The following AKAP9 variants were observed in gnomAD, a reference collection of about 807,000 sequenced individuals.
AKAP9 encodes the protein A-kinase anchoring protein 9.
AKAP9 carries 311 observed loss-of-function variants against 488.5 expected under a neutral mutation model. That is an observed-to-expected ratio of 0.64 (90% CI 0.58 to 0.70). The LOEUF (loss-of-function observed/expected upper bound fraction) is 0.70, where lower values mean the gene tolerates loss of function less well. AKAP9 is among the 30% of genes least tolerant of loss of function. The pLI is 0.00. For synonymous variants in AKAP9, 1,462 were observed against 1,483.5 expected (o/e 0.99, Z 0.33); for missense variants, 4,215 against 4,374.5 (o/e 0.96, Z 1.03).
chr7:91,944,879 A>T (rs1293288658), intron 1 of AKAP9, among the ~76,000 whole-genome samples: 1 of 152,194 alleles, frequency 6.6e-6, no homozygotes, highest in Non-Finnish European at 1.5e-5. Flanking sequence ...TTATATTGTT[A>T]GACATTTTAT....
intron 1 of AKAP9, among the ~76,000 whole-genome samples, chr7:91,948,290 C>G (rs1394772861): frequency 6.6e-6 from 1 of 152,080 alleles, no homozygotes; most frequent in Non-Finnish European, 1.5e-5. Context: ...TGGGTATATA[C>G]CTAGTAGTAG....
intron 17 of AKAP9, 95 bp from the exon 18 acceptor site, chr7:92,040,579 A>AT (rs1319960289): frequency 1.2e-6 from 1 of 855,836 alleles, no homozygotes; most frequent in African/African-American, 1.7e-5. Context: ...AAGGAATAGA[A>AT]TTGCTTTCGT....
chr7:91,959,469 A>G (rs1158594872), intron 1 of AKAP9, among the ~76,000 whole-genome samples: 1 of 151,906 alleles, frequency 6.6e-6, no homozygotes. Context: ...ATTTAAAAAA[A>G]AAAAAAAATT....
chr7:91,993,188 C>T, intron 5 of AKAP9, 133 bp downstream of exon 5: 5 of 950,448 alleles, frequency 5.3e-6, no homozygotes, highest in Non-Finnish European at 6.2e-6. Context: ...TCTTCTTCTT[C>T]TTCTTCTTTT....
At chr7:92,044,951 A>G in intron 20 of AKAP9, 57 bp from the exon 21 acceptor site, 1 of 1,407,564 alleles carries the variant, frequency 7.1e-7, no homozygotes, top group South Asian at 1.2e-5. Flanking sequence ...GGACATAAGC[A>G]AAGTGTTTGC....
chr7:92,038,312 A>T, intron 16 of AKAP9, 107 bp from the exon 17 acceptor site: 1 of 796,080 alleles, frequency 1.3e-6, no homozygotes, highest in Non-Finnish European at 2.0e-6. Flanking sequence ...TAGAACCGTG[A>T]GGCCATGCTT....
At chr7:92,014,474 C>G (rs1404913969) in intron 10 of AKAP9, 146 bp downstream of exon 10, 3 of 658,212 alleles carry the variant, frequency 4.6e-6, no homozygotes, top group Non-Finnish European at 8.4e-6. Context: ...CCAAAAAATA[C>G]AAAAATCAGT....
intron 18 of AKAP9, chr7:92,041,767 G>T: frequency 3.1e-6 from 1 of 324,150 alleles, no homozygotes; most frequent in Non-Finnish European, 5.8e-6. Flanking sequence ...TTTCTTCATT[G>T]CATTTTGTGA....
Position 92,093,297 on chromosome 7 carries a change from A to G in AKAP9, c.9559A>G (p.Lys3187Glu). 6.2e-7 allele frequency: 1 copy of G among 1,614,066 alleles called. No individual in the cohort carries two copies. Among genetic ancestry groups the G allele is most frequent in the Non-Finnish European group, 8.5e-7 (1 of 1,180,014 alleles). ...ACTCAAGGCACAGCATAAACACCTA[A>G]AAGAATTGGAGGCTTTCAGGTGTGC... is the stretch of plus-strand genomic sequence containing the variant. ...TTLKAQHKHLKELEAFRLEVK... is the reference protein window; with the variant it reads ...TTLKAQHKHLEELEAFRLEVK... The change falls in exon 39 of 50, where the codon AAA becomes GAA. Residue 3187 changes from lysine (K) to glutamate (E), a missense_variant. Around this residue, in one of 5 missense-constraint regions of AKAP9, gnomAD observed 1,476 missense variants for 1,477.4 expected, o/e 1.00. Transcript: ENST00000356239.
At chr7:91,980,495 C>CTTTTTTTTTTTCTTTTT (rs1796259897) in intron 3 of AKAP9, among the ~76,000 whole-genome samples, 162 bp downstream of exon 3, 2 of 48,756 alleles carry the variant, frequency 4.1e-5, no homozygotes, top group Non-Finnish European at 6.6e-5. Context: ...GTATTACTGA[C>CTTTTTTTTTTTCTTTTT]TTTTTTTTTT....
At chr7:92,101,973 T>C (rs1817578161) in intron 45 of AKAP9, among the ~76,000 whole-genome samples, 1 of 151,756 alleles carries the variant, frequency 6.6e-6, no homozygotes, top group South Asian at 2.1e-4. Flanking sequence ...CTGGCCAACA[T>C]GGTGAAATCC....
At chr7:92,076,763 A>G (rs1812648388) in intron 28 of AKAP9, 92 bp from the exon 29 acceptor site, 2 of 750,910 alleles carry the variant, frequency 2.7e-6, no homozygotes, top group East Asian at 2.9e-5. Context: ...TTAAGCATGC[A>G]TACTTTGTAA....
rs117801300 is a variant in AKAP9, at chr7:92,049,719, A to G, written c.5369-3007A>G. Among the ~76,000 whole-genome samples the G allele has an allele frequency of 6.2e-3, 945 of 152,196 alleles. 6 individuals carry two copies. The highest frequency in any genetic ancestry group is 8.6e-3 in the Non-Finnish European group (582 of 68,016). Reference sequence around the variant, plus strand: ...TTTAAATTTGGTTTTTTCTTGGAACATATTCAGATTATTTCAGATTGTTTA... The same window carrying G: ...TTTAAATTTGGTTTTTTCTTGGAACGTATTCAGATTATTTCAGATTGTTTA... On this transcript the variant is annotated intron_variant, in intron 21 of 49. Coordinates refer to ENST00000356239, the MANE Select transcript of AKAP9 (RefSeq NM_005751.5).
At chr7:92,042,520 T>A (rs1806285411) in intron 19 of AKAP9, 148 bp from the exon 20 acceptor site, 2 of 640,160 alleles carry the variant, frequency 3.1e-6, no homozygotes, top group Admixed American at 5.7e-5. Flanking sequence ...ATCTCGAGTG[T>A]AGTTAAATAT....
chr7:92,010,744 C>T (rs888620524), intron 8 of AKAP9, among the ~76,000 whole-genome samples: 1 of 152,170 alleles, frequency 6.6e-6, no homozygotes, highest in Non-Finnish European at 1.5e-5. Flanking sequence ...ACCTTGAACT[C>T]CTGGACTCAG....
chr7:92,074,675 T>G (rs906898029), intron 28 of AKAP9, among the ~76,000 whole-genome samples: 7 of 152,116 alleles, frequency 4.6e-5, no homozygotes, highest in Non-Finnish European at 8.8e-5. Flanking sequence ...TGGAATACTA[T>G]GAAGCCACAA....
chr7:91,975,837 TA>T (rs1795593844), intron 2 of AKAP9, among the ~76,000 whole-genome samples: 2 of 152,024 alleles, frequency 1.3e-5, no homozygotes, highest in Non-Finnish European at 2.9e-5. Flanking sequence ...CCTGGTTCAT[TA>T]AGTGTTTTCA....
At chr7:92,076,267 G>A (rs566335561) in intron 28 of AKAP9, among the ~76,000 whole-genome samples, 2 of 152,072 alleles carry the variant, frequency 1.3e-5, no homozygotes, top group Non-Finnish European at 2.9e-5. Flanking sequence ...CCTACCTATA[G>A]GAGCTCTCTA....
chr7:91,966,914 G>T (rs1044559170), intron 1 of AKAP9, among the ~76,000 whole-genome samples: 2 of 152,082 alleles, frequency 1.3e-5, no homozygotes, highest in Non-Finnish European at 2.9e-5. Context: ...AATTGCTTTG[G>T]ATAGTATCAT....
Sources: gnomAD v4.1 joint callset for allele counts (sites outside exome capture counted in the v4.1 genomes callset) on GRCh38, gnomAD v4.1.1 for gene constraint, gnomAD v4.1.1 regional missense constraint, MANE v1.5 for transcripts, NCBI Gene and HGNC (gene_info 2026-07-23, HGNC 2026-07-21) for gene names.